Variants in HSPA5 observed in about 807,000 individuals in gnomAD.
HSPA5 encodes endoplasmic reticulum chaperone BiP.
In HSPA5, 16 loss-of-function variants were observed where a neutral mutation model predicts 49.5. The ratio of observed to expected loss-of-function variants is 0.32; its 90% CI spans 0.22 to 0.49. The LOEUF is 0.49. Ranked by LOEUF, HSPA5 falls within the 20% of genes least tolerant of loss-of-function variation. The pLI, the probability that HSPA5 is intolerant of heterozygous loss-of-function variation, is 0.99. For synonymous variants in HSPA5, 271 were observed against 307.2 expected (o/e 0.88, Z 1.23); for missense variants, 376 against 819.0 (o/e 0.46, Z 6.60).
intron 7 of HSPA5, among the ~76,000 whole-genome samples, chr9:125,237,870 G>A (rs1564207028): frequency 1.3e-5 from 2 of 152,128 alleles, no homozygotes; most frequent in Non-Finnish European, 1.5e-5. Context: ...GGGAGGTGGA[G>A]GCAGGCAGAT....
Position 125,241,242 on chromosome 9 carries a change from C to T in HSPA5, c.-116G>A. On this transcript the variant is annotated 5_prime_UTR_variant, in exon 1 of 8. Transcript: ENST00000324460. ...CCCGGGGTCACAAGGCGCCACGAACCAGGCGAAGGGCAGGTCTAGAAATAC... is the reference window on the plus strand; with the variant it reads ...CCCGGGGTCACAAGGCGCCACGAACTAGGCGAAGGGCAGGTCTAGAAATAC... 8.0e-7 allele frequency: 1 copy of T among 1,249,436 alleles called. No individual in the cohort carries two copies. Among genetic ancestry groups the T allele is most frequent in the Non-Finnish European group, 1.1e-6 (1 of 901,190 alleles). The allele number at this position is 1,249,436 out of a possible 1,614,324, so 77.4% of individuals were successfully genotyped here. A position where few individuals can be genotyped will look rare whatever the true frequency, so the allele number is the denominator to read the frequency against.
At chr9:125,237,198 GCA>G in intron 7 of HSPA5, 44 bp from the exon 8 acceptor site, 1 of 1,383,984 alleles carries the variant, frequency 7.2e-7, no homozygotes, top group Non-Finnish European at 1.0e-6. Context: ...TTACTGACAA[GCA>G]TTAGCACATC....
rs1203616889 is a variant in HSPA5, at chr9:125,240,125, A to G, written c.492+47T>C. ...CTTCTATACATAACAGCCAACCGAGAATACTAATGATCAAAAAATACTTAA... is the reference window on the plus strand; with the variant it reads ...CTTCTATACATAACAGCCAACCGAGGATACTAATGATCAAAAAATACTTAA... On this transcript the variant is annotated intron_variant, in intron 3 of 7. Coordinates refer to ENST00000324460, the MANE Select transcript of HSPA5 (RefSeq NM_005347.5). The surrounding 1 kb of genome is among the most constrained non-coding windows in gnomAD (Gnocchi z 4.4). 2 of 1,493,412 alleles carry G rather than the reference A, an allele frequency of 1.3e-6. No homozygotes were observed. The highest frequency in any genetic ancestry group is 2.8e-5 in the African/African-American group (2 of 70,916). The allele number at this position is 1,493,412 out of a possible 1,614,324, so 92.5% of individuals were successfully genotyped here.
chr9:125,239,332 CTA>C lies in HSPA5; in HGVS notation c.606-3_606-2del. On this transcript the variant is annotated splice_acceptor_variant and splice_polypyrimidine_tract_variant and intron_variant, in intron 4 of 7. Coordinates refer to ENST00000324460, the MANE Select transcript of HSPA5 (RefSeq NM_005347.5). LOFTEE classifies it high-confidence loss of function. This position sits in a 1 kb window ranked among gnomAD's most constrained non-coding sequence, Gnocchi z 5.5. ...GCCATAAGCAATAGCAGCTGCCGTA[CTA>C]TTAGATTGAAAAAGGGAAAAGTTTT... is the stretch of plus-strand genomic sequence containing the variant. 2 of 1,612,028 alleles carry C rather than the reference CTA, an allele frequency of 1.2e-6. No individual in the cohort carries two copies. The highest frequency in any genetic ancestry group is 1.7e-6 in the Non-Finnish European group (2 of 1,178,228).
chr9:125,240,405 C>A lies in HSPA5; in HGVS notation c.355-96G>T, dbSNP rs1689873473. 3 of 1,110,500 alleles carry A rather than the reference C, an allele frequency of 2.7e-6. No homozygotes were observed. The highest frequency in any genetic ancestry group is 3.9e-6 in the Non-Finnish European group (3 of 768,540). 68.8% of individuals were successfully genotyped at this position (1,110,500 alleles called of 1,614,324 possible). A position where few individuals can be genotyped will look rare whatever the true frequency, so the allele number is the denominator to read the frequency against. ...TCCCCACAATTTGGTTTATTTTGGT[C>A]CCTTGGGGCTGCAAATTGACTAGAA... On this transcript the variant is annotated intron_variant, in intron 2 of 7. Coordinates refer to ENST00000324460, the MANE Select transcript of HSPA5 (RefSeq NM_005347.5). This position sits in a 1 kb window ranked among gnomAD's most constrained non-coding sequence, Gnocchi z 4.4.
Position 125,236,309 on chromosome 9 carries a change from T to C in HSPA5, c.*283A>G, listed in dbSNP as rs193070834. 102 of 355,448 alleles carry C rather than the reference T, an allele frequency of 2.9e-4. No homozygotes were observed. Among genetic ancestry groups the C allele is most frequent in the African/African-American group, 1.8e-3 (85 of 47,400 alleles). The allele number at this position is 355,448 out of a possible 1,614,324, so 22.0% of individuals were successfully genotyped here. ...AAAAACTTCCTACACCAGATGCACA[T>C]GACCCAGTTGTTAAATAGAACATTT... On this transcript the variant is annotated 3_prime_UTR_variant, in exon 8 of 8. Coordinates refer to ENST00000324460, the MANE Select transcript of HSPA5 (RefSeq NM_005347.5).
Position 125,240,694 on chromosome 9 carries a change from G to C in HSPA5, c.336C>G (p.Ile112Met). ...TWNDPSVQQD[I>M]KFLPFKVVEK... is the part of the protein sequence containing the mutation. ...GTCGAACCTTGAACGGCAAGAACTT[G>C]ATGTCCTGCTGCACAGACGGGTCAT... Residue 112 changes from isoleucine to methionine, a missense_variant, in exon 2 of 8, where the codon ATC (isoleucine) becomes ATG (methionine). By Grantham distance (10) the Ile-to-Met change is conservative (BLOSUM62 1). Coordinates refer to ENST00000324460, the MANE Select transcript of HSPA5 (RefSeq NM_005347.5). The surrounding 1 kb of genome is among the most constrained non-coding windows in gnomAD (Gnocchi z 4.4). 1 of 1,613,476 alleles carries C rather than the reference G, an allele frequency of 6.2e-7. No homozygotes were observed. The highest frequency in any genetic ancestry group is 8.5e-7 in the Non-Finnish European group (1 of 1,179,476).
chr9:125,238,402 A>C, intron 6 of HSPA5, 94 bp from the exon 7 acceptor site: 1 of 1,184,538 alleles, frequency 8.4e-7, no homozygotes, highest in South Asian at 1.4e-5. Flanking sequence ...TCTAACACAC[A>C]CATTTTAAAG....
chr9:125,240,320 G>C lies in HSPA5; in HGVS notation c.355-11C>G. ...TTTCTTTTCAACCACCTATTTTAAA[G>C]AATTATTGTTTTCAGACACAGATAC... On this transcript the variant is annotated splice_polypyrimidine_tract_variant and intron_variant, in intron 2 of 7. Transcript: ENST00000324460. This position sits in a 1 kb window ranked among gnomAD's most constrained non-coding sequence, Gnocchi z 4.4. The C allele has an allele frequency of 6.3e-7, 1 of 1,592,236 alleles. No individual in the cohort carries two copies. Among genetic ancestry groups the C allele is most frequent in the South Asian group, 1.1e-5 (1 of 88,168 alleles).
In HSPA5 at chr9:125,240,077, AT is replaced by A. The variant is rs1273235568; in HGVS notation, c.492+94del. On this transcript the variant is annotated intron_variant, in intron 3 of 7. Transcript: ENST00000324460. The surrounding 1 kb of genome is among the most constrained non-coding windows in gnomAD (Gnocchi z 4.4). ...AAGCATGAATACCATTCTGATTAAA[AT>A]TTTTGAAACCCTTCACGAAGGCTTC... 4.2e-6 allele frequency: 4 copies of A among 951,628 alleles called. No homozygotes were observed. Among genetic ancestry groups the A allele is most frequent in the Non-Finnish European group, 4.7e-6 (3 of 640,612 alleles). The allele number at this position is 951,628 out of a possible 1,614,324, so 58.9% of individuals were successfully genotyped here.
At position 125,236,118 on chromosome 9, in the gene HSPA5, A is replaced by G. The variant is rs16927997; in HGVS notation, c.*474T>C. ...AAAAAAATCCCTGGAAGCATTAAAT[A>G]GAAGTGTTTCCTTATCCCAACATAC... On this transcript the variant is annotated 3_prime_UTR_variant, in exon 8 of 8. Coordinates refer to ENST00000324460, the MANE Select transcript of HSPA5 (RefSeq NM_005347.5). 1,950 of 152,912 alleles carry G rather than the reference A, an allele frequency of 0.013. 103 individuals are homozygous for G. Among genetic ancestry groups the G allele is most frequent in the East Asian group, 0.083 (432 of 5,188 alleles). The allele number at this position is 152,912 out of a possible 1,614,324, so 9.5% of individuals were successfully genotyped here.
rs1832563270 is a variant in HSPA5, at chr9:125,241,298, A to G, written c.-172T>C. The G allele has an allele frequency of 2.9e-6, 2 of 700,160 alleles. No homozygotes were observed. The highest frequency in any genetic ancestry group is 1.9e-5 in the South Asian group (1 of 54,042). 43.4% of individuals were successfully genotyped at this position (700,160 alleles called of 1,614,324 possible). ...GCGGCGCTTCCCTCTCACACTCGCGAAACACCCCAATAGGTCAATCTGTCT... is the reference window on the plus strand; with the variant it reads ...GCGGCGCTTCCCTCTCACACTCGCGGAACACCCCAATAGGTCAATCTGTCT... On this transcript the variant is annotated 5_prime_UTR_variant, in exon 1 of 8. Coordinates refer to ENST00000324460, the MANE Select transcript of HSPA5 (RefSeq NM_005347.5).
chr9:125,238,535 G>A (rs1832524976), intron 6 of HSPA5, 55 bp downstream of exon 6: 2 of 1,370,998 alleles, frequency 1.5e-6, no homozygotes, highest in South Asian at 1.2e-5. Context: ...AATAGCTAAT[G>A]AGTCTTCCAT....
At position 125,235,670 on chromosome 9, in the gene HSPA5, C is replaced by T. The variant is rs1050203586; in HGVS notation, c.*922G>A. On this transcript the variant is annotated 3_prime_UTR_variant, in exon 8 of 8. Transcript: ENST00000324460. ...CATCCAAGATCCCACCCCAGTACCA[C>T]TAATGAGAAATTTCAGGGATGGAGA... 1.3e-5 allele frequency: 2 copies of T among 152,034 alleles called. No individual in the cohort carries two copies. Among genetic ancestry groups the T allele is most frequent in the Non-Finnish European group, 2.9e-5 (2 of 68,018 alleles). The allele number at this position is 152,034 out of a possible 1,614,324, so 9.4% of individuals were successfully genotyped here.
chr9:125,239,114 C>A lies in HSPA5; in HGVS notation c.823G>T (p.Gly275Cys), dbSNP rs1217112485. 5 of 1,614,004 alleles carry A rather than the reference C, an allele frequency of 3.1e-6. No homozygotes were observed. The highest frequency in any genetic ancestry group is 4.2e-6 in the Non-Finnish European group (5 of 1,180,036). Reference protein sequence around the residue: ...HFIKLYKKKTGKDVRKDNRAV... With the variant: ...HFIKLYKKKTCKDVRKDNRAV... ...CTATTGTCTTTCCTGACATCTTTGC[C>A]CGTCTTCTTTTTGTACAGTTTGATG... The change falls in exon 5 of 8, where the codon GGC becomes TGC. Residue 275 changes from glycine to cysteine, a missense_variant. Around this residue, in one of 8 missense-constraint regions of HSPA5, gnomAD observed 89 missense variants for 155.9 expected, o/e 0.57. Transcript: ENST00000324460. The surrounding 1 kb of genome is among the most constrained non-coding windows in gnomAD (Gnocchi z 5.5).
At chr9:125,238,375 C>T in intron 6 of HSPA5, 67 bp from the exon 7 acceptor site, 1 of 1,423,742 alleles carries the variant, frequency 7.0e-7, no homozygotes, top group Non-Finnish European at 9.8e-7. Flanking sequence ...GTTTATCTCT[C>T]TAACATTTGG....
Position 125,235,500 on chromosome 9 carries a change from A to G in HSPA5, c.*1092T>C, listed in dbSNP as rs1306794346. ...CAATATTGGATTTTATGTTAGCACC[A>G]GCCTGTCCTTTATTGATCATACCAT... On this transcript the variant is annotated 3_prime_UTR_variant, in exon 8 of 8. Transcript: ENST00000324460. 6.6e-6 allele frequency: 1 copy of G among 152,108 alleles called. No individual in the cohort carries two copies. The highest frequency in any genetic ancestry group is 1.9e-4 in the East Asian group (1 of 5,184). The allele number at this position is 152,108 out of a possible 1,614,324, so 9.4% of individuals were successfully genotyped here.
intron 7 of HSPA5, among the ~76,000 whole-genome samples, 166 bp downstream of exon 7, chr9:125,237,975 G>A (rs1047262817): frequency 1.4e-4 from 22 of 152,108 alleles, no homozygotes; most frequent in Non-Finnish European, 1.9e-4. Flanking sequence ...GGTGGTCCAC[G>A]CCTGTAATCC....
chr9:125,238,026 C>T (rs531932845), intron 7 of HSPA5, 115 bp downstream of exon 7: 9 of 771,398 alleles, frequency 1.2e-5, no homozygotes, highest in South Asian at 5.1e-5. Flanking sequence ...CACTTGAACC[C>T]GGGAGACAGA....
Sources: gnomAD v4.1 joint callset for allele counts (sites outside exome capture counted in the v4.1 genomes callset) on GRCh38, gnomAD v4.1.1 for gene constraint, gnomAD v4.1.1 regional missense constraint, Gnocchi (gnomAD v3.1) non-coding constraint, MANE v1.5 for transcripts, NCBI Gene and HGNC (gene_info 2026-07-23, HGNC 2026-07-21) for gene names.